PIGX: variants seen among roughly 807,000 people sequenced by gnomAD.
PIGX encodes phosphatidylinositol glycan anchor biosynthesis class X, also known as GPI alpha-1,4-mannosyltransferase I, stabilizing subunit.
PIGX carries 24 observed loss-of-function variants against 28.7 expected under a neutral mutation model. That is an observed-to-expected ratio of 0.84 (90% confidence interval 0.60 to 1.17). The LOEUF (loss-of-function observed/expected upper bound fraction) is 1.17. Ranked by LOEUF, PIGX falls within the 50% of genes most tolerant of loss-of-function variation. The pLI is 0.00. For synonymous variants in PIGX, 127 were observed against 121.0 expected (o/e 1.05, Z -0.33); for missense variants, 305 against 317.8 (o/e 0.96, Z 0.31).
intron 4 of PIGX, among the ~76,000 whole-genome samples, chr3:196,729,016 A>T (rs963744724): frequency 3.3e-5 from 5 of 151,900 alleles, no homozygotes; most frequent in African/African-American, 1.2e-4. Context: ...TTCTGTTTTT[A>T]TGTGGGAATG....
At position 196,722,442 on chromosome 3, in the gene PIGX, G is replaced by T; in HGVS notation, c.204G>T (p.Gly68=). The change falls in exon 3 of 6, where the codon GGG becomes GGT. Residue 68 remains glycine, a synonymous_variant. Coordinates refer to ENST00000392391, the MANE Select transcript of PIGX (RefSeq NM_017861.4). The stretch of plus-strand genomic sequence containing the variant: ...ACCTTTTAATCAAAGTGAAGTTTGG[G>T]GAAAGCATTGAGGACTTGCACACCT... 1 of 1,612,026 alleles carries T rather than the reference G, an allele frequency of 6.2e-7. No individual in the cohort carries two copies. The highest frequency in any genetic ancestry group is 1.1e-5 in the South Asian group (1 of 90,988).
At chr3:196,722,704 G>A in intron 3 of PIGX, 148 bp downstream of exon 3, 1 of 735,902 alleles carries the variant, frequency 1.4e-6, no homozygotes, top group Non-Finnish European at 2.3e-6. Flanking sequence ...TCTTTGACAA[G>A]TGAGTGACTC....
At position 196,733,786 on chromosome 3, in the gene PIGX, C is replaced by T. The variant is rs1712913080; in HGVS notation, c.661C>T (p.Pro221Ser). ...ATATAAGAATGTGATTCTACAAGTT[C>T]CAGTGGGACTGACTGTACATACCTC... Residue 221 changes from proline (P) to serine (S), a missense_variant, in exon 6 of 6, where the codon CCA becomes TCA. By Grantham distance (74) the Pro-to-Ser change is moderately conservative. Coordinates refer to ENST00000392391, the MANE Select transcript of PIGX (RefSeq NM_017861.4). The surrounding 1 kb of genome is among the most constrained non-coding windows in gnomAD (Gnocchi z 4.3). The T allele has an allele frequency of 6.3e-7, 1 of 1,589,904 alleles. No homozygotes were observed. Among genetic ancestry groups the T allele is most frequent in the African/African-American group, 1.3e-5 (1 of 74,452 alleles).
intron 3 of PIGX, chr3:196,726,634 T>G (rs762794700): frequency 4.4e-6 from 2 of 455,806 alleles, no homozygotes; most frequent in South Asian, 3.1e-5. Flanking sequence ...CCAGGAGAAC[T>G]GTGAACATTT....
Position 196,733,104 on chromosome 3 carries a change from A to T in PIGX, c.634-655A>T, listed in dbSNP as rs915580006. Among the ~76,000 whole-genome samples, 1 of 152,216 alleles carries T rather than the reference A, an allele frequency of 6.6e-6. No individual in the cohort carries two copies. Among genetic ancestry groups the T allele is most frequent in the Admixed American group, 6.5e-5 (1 of 15,284 alleles). On this transcript the variant is annotated intron_variant, in intron 5 of 5. Coordinates refer to ENST00000392391, the MANE Select transcript of PIGX (RefSeq NM_017861.4). The surrounding 1 kb of genome is among the most constrained non-coding windows in gnomAD (Gnocchi z 4.3). ...TTCTAATTTGAAACATGGTAAGAGG[A>T]AGTAAATGTTTATATTGATTACAGA...
intron 2 of PIGX, 48 bp from the exon 3 acceptor site, chr3:196,722,367 T>C (rs773478180): frequency 6.4e-6 from 9 of 1,412,360 alleles, no homozygotes; most frequent in Non-Finnish European, 8.9e-6. Flanking sequence ...TGTTATCTCA[T>C]TTAACAGTTG....
chr3:196,720,421 A>G lies in PIGX; in HGVS notation c.177-1994A>G, dbSNP rs139512134. ...GAGTAATATTCCATTGTATGTTTGTACCACATTTTGCTTATTTGTTCATTG... is the reference window on the plus strand; with the variant it reads ...GAGTAATATTCCATTGTATGTTTGTGCCACATTTTGCTTATTTGTTCATTG... On this transcript the variant is annotated intron_variant, in intron 2 of 5. Transcript: ENST00000392391. Among the ~76,000 whole-genome samples the G allele has an allele frequency of 1.2e-4, 19 of 152,262 alleles. 1 individual carries two copies. The highest frequency in any genetic ancestry group is 4.6e-4 in the African/African-American group (19 of 41,566).
intron 1 of PIGX, among the ~76,000 whole-genome samples, chr3:196,713,512 G>A (rs953842611): frequency 6.6e-6 from 1 of 151,832 alleles, no homozygotes; most frequent in African/African-American, 2.4e-5. Context: ...TCGCCGTATT[G>A]GTCAAGCTGG....
In PIGX at chr3:196,732,216, TTATATATATATATATATATATATA is replaced by T. The variant is rs1175656364; in HGVS notation, c.633+1142_633+1165del. Among the ~76,000 whole-genome samples the T allele has an allele frequency of 1.5e-3, 77 of 51,346 alleles. 5 individuals carry two copies. Among genetic ancestry groups the T allele is most frequent in the East Asian group, 8.9e-3 (14 of 1,574 alleles). The allele number at this position is 51,346 out of a possible 152,430, so 33.7% of individuals were successfully genotyped here. On this transcript the variant is annotated intron_variant, in intron 5 of 5. Transcript: ENST00000392391. ...GCTTTTAACTATATGTATATATTAT[TTATATATATATATATATATATATA>T]TATATATATATATATATTTTATTTT...
At chr3:196,724,662 T>C (rs527276195) in intron 3 of PIGX, among the ~76,000 whole-genome samples, 40 of 152,340 alleles carry the variant, frequency 2.6e-4, no homozygotes, top group African/African-American at 9.4e-4. Context: ...ATTATAAGCC[T>C]TGTAAGTGTA....
intron 5 of PIGX, among the ~76,000 whole-genome samples, chr3:196,732,216 T>TTATTTATTTA (rs1400132891): frequency 1.9e-5 from 1 of 51,378 alleles, no homozygotes; most frequent in Non-Finnish European, 3.3e-5. Flanking sequence ...TATATATTAT[T>TTATTTATTTA]TATATATATA....
At chr3:196,714,512 A>G (rs1464834018) in intron 1 of PIGX, among the ~76,000 whole-genome samples, 1 of 144,020 alleles carries the variant, frequency 6.9e-6, no homozygotes, top group Non-Finnish European at 1.5e-5. Context: ...TTGCCAGGCT[A>G]GTGCAGTGGC....
chr3:196,724,999 G>A (rs1712466923), intron 3 of PIGX, among the ~76,000 whole-genome samples: 1 of 152,168 alleles, frequency 6.6e-6, no homozygotes, highest in African/African-American at 2.4e-5. Flanking sequence ...TTTGTAAGGA[G>A]TTTGTGATGG....
Position 196,712,572 on chromosome 3 carries a change from C to T in PIGX, c.40C>T (p.Leu14=). ...GGCGGCGGTTCGGGCGGCCGCCTGG[C>T]TGCTCCTCGGGGCGGCGACCGGGCT... The change falls in exon 1 of 6, where the codon CTG becomes TTG. Residue 14 remains leucine (L), a synonymous_variant. Transcript: ENST00000392391. 1 of 1,188,880 alleles carries T rather than the reference C, an allele frequency of 8.4e-7. No homozygotes were observed. Among genetic ancestry groups the T allele is most frequent in the Non-Finnish European group, 1.0e-6 (1 of 960,312 alleles). 73.6% of individuals were successfully genotyped at this position (1,188,880 alleles called of 1,614,324 possible). A position where few individuals can be genotyped will look rare whatever the true frequency, so the allele number is the denominator to read the frequency against.
At chr3:196,718,889 A>G (rs1712202578) in intron 2 of PIGX, among the ~76,000 whole-genome samples, 1 of 152,114 alleles carries the variant, frequency 6.6e-6, no homozygotes, top group East Asian at 1.9e-4. Context: ...TTCTTGATGA[A>G]TTGGATGAAT....
chr3:196,722,636 T>G, intron 3 of PIGX, 80 bp downstream of exon 3: 1 of 1,223,144 alleles, frequency 8.2e-7, no homozygotes, highest in East Asian at 2.3e-5. Flanking sequence ...ATAGTAGGTT[T>G]TCTTTTCATT....
At chr3:196,727,791 G>C in intron 3 of PIGX, 132 bp from the exon 4 acceptor site, 1 of 521,230 alleles carries the variant, frequency 1.9e-6, no homozygotes. Context: ...GATGGAAGGG[G>C]AATGGAAATT....
chr3:196,721,913 G>A (rs942511177), intron 2 of PIGX, among the ~76,000 whole-genome samples: 3 of 151,954 alleles, frequency 2.0e-5, no homozygotes, highest in East Asian at 3.9e-4. Context: ...CACCATGCCC[G>A]GCTAAATTTT....
At chr3:196,713,063 A>G (rs1041090519) in intron 1 of PIGX, 1 of 985,992 alleles carries the variant, frequency 1.0e-6, no homozygotes, top group African/African-American at 1.7e-5. Context: ...TCGTGCAAGT[A>G]GTAGTTGGCA....
Sources: gnomAD v4.1 joint callset for allele counts (sites outside exome capture counted in the v4.1 genomes callset) on GRCh38, gnomAD v4.1.1 for gene constraint, Gnocchi (gnomAD v3.1) non-coding constraint, MANE v1.5 for transcripts, NCBI Gene and HGNC (gene_info 2026-07-23, HGNC 2026-07-21) for gene names.